PRKCE: variants seen among roughly 807,000 people sequenced by gnomAD.
The protein encoded by PRKCE is protein kinase C epsilon type.
A neutral mutation model predicts 85.4 loss-of-function variants in PRKCE; 16 were observed. The observed-to-expected ratio is 0.19, with a 90% CI of 0.13 to 0.28. The LOEUF is 0.28. PRKCE is among the 10% of genes least tolerant of loss of function. The pLI is 1.00. For missense variants in PRKCE, 573 were observed against 975.2 expected, an observed-to-expected ratio of 0.59 and a Z score of 5.49; for synonymous variants, 388 against 371.5, an observed-to-expected ratio of 1.04 and a Z score of -0.51.
At chr2:45,814,443 T>G (rs1168026814) in intron 1 of PRKCE, among the ~76,000 whole-genome samples, 1 of 152,238 alleles carries the variant, frequency 6.6e-6, no homozygotes, top group Non-Finnish European at 1.5e-5. Flanking sequence ...ACCTCTGTCC[T>G]GATCTCTGGT....
At chr2:45,945,934 G>GA (rs1236067293) in intron 2 of PRKCE, among the ~76,000 whole-genome samples, 2 of 152,238 alleles carry the variant, frequency 1.3e-5, no homozygotes, top group East Asian at 3.9e-4. Context: ...CCCTATGTGT[G>GA]AAGCCATGGT....
At chr2:45,964,175 C>T (rs552811730) in intron 2 of PRKCE, among the ~76,000 whole-genome samples, 7 of 152,298 alleles carry the variant, frequency 4.6e-5, no homozygotes, top group Non-Finnish European at 7.4e-5. Context: ...TCCCACTCTA[C>T]TCGGCACATT....
chr2:45,696,718 C>T (rs953073907), intron 1 of PRKCE, among the ~76,000 whole-genome samples: 8 of 152,230 alleles, frequency 5.3e-5, no homozygotes, highest in African/African-American at 1.7e-4. Flanking sequence ...CTAGAATCTT[C>T]TCATGGGAAG....
At chr2:45,867,480 G>A (rs1187404402) in intron 2 of PRKCE, among the ~76,000 whole-genome samples, 1 of 152,208 alleles carries the variant, frequency 6.6e-6, no homozygotes, top group African/African-American at 2.4e-5. Context: ...GCCAACAGGG[G>A]TAGAGGATCT....
chr2:45,922,907 C>T (rs570711016), intron 2 of PRKCE, among the ~76,000 whole-genome samples: 1 of 152,314 alleles, frequency 6.6e-6, no homozygotes, highest in Admixed American at 6.5e-5. Flanking sequence ...ACATCCTTCA[C>T]ATATTAGTCA....
At chr2:45,885,714 TG>T (rs1032767332) in intron 2 of PRKCE, among the ~76,000 whole-genome samples, 1 of 152,176 alleles carries the variant, frequency 6.6e-6, no homozygotes, top group African/African-American at 2.4e-5. Flanking sequence ...AAGTGAATTT[TG>T]GGGGTTAGGG....
intron 2 of PRKCE, among the ~76,000 whole-genome samples, chr2:45,947,516 CA>C: frequency 6.6e-6 from 1 of 152,248 alleles, no homozygotes; most frequent in East Asian, 1.9e-4. Flanking sequence ...ACAAATTATG[CA>C]AACTAAAATA....
chr2:45,929,968 T>TA lies in PRKCE; in HGVS notation c.413-46460dup, dbSNP rs372985716. Among the ~76,000 whole-genome samples, 109 of 152,340 alleles carry TA rather than the reference T, an allele frequency of 7.2e-4. 1 individual carries two copies. The highest frequency in any genetic ancestry group is 2.5e-3 in the African/African-American group (104 of 41,572). On this transcript the variant is annotated intron_variant, in intron 2 of 14. Transcript: ENST00000306156. ...GTGCCTGGGCCAAGATGGCACCAAA[T>TA]ATATGCTTATTGAGTAAATGAATCA... is the stretch of plus-strand genomic sequence containing the variant.
chr2:45,766,794 C>A (rs995617907), intron 1 of PRKCE, among the ~76,000 whole-genome samples: 13 of 152,180 alleles, frequency 8.5e-5, no homozygotes, highest in African/African-American at 2.7e-4. Flanking sequence ...AATCCTAGCA[C>A]TTTGGGAGGC....
intron 2 of PRKCE, among the ~76,000 whole-genome samples, chr2:45,925,421 C>T (rs542767382): frequency 1.3e-5 from 2 of 152,082 alleles, no homozygotes; most frequent in South Asian, 2.1e-4. Context: ...CTCAGCCTCC[C>T]GAGTAGCTGG....
chr2:46,125,880 C>T (rs1290083465), intron 11 of PRKCE, among the ~76,000 whole-genome samples: 2 of 152,110 alleles, frequency 1.3e-5, no homozygotes, highest in Non-Finnish European at 2.9e-5. Context: ...GAATCAAAAT[C>T]CAGTTGTACG....
chr2:45,853,555 G>T (rs1034992249), intron 2 of PRKCE, among the ~76,000 whole-genome samples: 2 of 152,142 alleles, frequency 1.3e-5, no homozygotes, highest in African/African-American at 2.4e-5. Flanking sequence ...GATCTCCCCT[G>T]AGGTAGGCAG....
chr2:45,985,314 G>A (rs112658631), intron 6 of PRKCE, among the ~76,000 whole-genome samples: 8 of 152,214 alleles, frequency 5.3e-5, no homozygotes, highest in Admixed American at 2.0e-4. Context: ...CGCAAACAGC[G>A]CACTCAGATG....
rs1669611700 is a variant in PRKCE, at chr2:46,086,103, T to C, written c.1438-105T>C. On this transcript the variant is annotated intron_variant, in intron 10 of 14. Coordinates refer to ENST00000306156, the MANE Select transcript of PRKCE (RefSeq NM_005400.3). ...AGGATTCACCCACCTTTGAGGCTTC[T>C]TCCCCCTTGAGTCTTGGTAACCTTA... is the stretch of plus-strand genomic sequence containing the variant. The C allele has an allele frequency of 4.0e-6, 5 of 1,235,178 alleles. 1 individual carries two copies. The South Asian group carries it at 5.7e-5, about 14-fold the overall frequency. 76.5% of individuals were successfully genotyped at this position (1,235,178 alleles called of 1,614,324 possible).
chr2:45,976,920 A>T (rs1702500583), intron 3 of PRKCE, among the ~76,000 whole-genome samples: 1 of 149,520 alleles, frequency 6.7e-6, no homozygotes, highest in African/African-American at 2.5e-5. Flanking sequence ...GTTTTGAGAC[A>T]GAGTCTAGCT....
intron 2 of PRKCE, among the ~76,000 whole-genome samples, chr2:45,951,545 A>C (rs1389784196): frequency 6.6e-6 from 1 of 152,214 alleles, no homozygotes; most frequent in Non-Finnish European, 1.5e-5. Flanking sequence ...TTAGATGTTA[A>C]CCACAAGATA....
intron 1 of PRKCE, among the ~76,000 whole-genome samples, chr2:45,691,243 A>G (rs777782688): frequency 6.6e-6 from 1 of 152,180 alleles, no homozygotes; most frequent in Non-Finnish European, 1.5e-5. Context: ...TGGCAGGAAT[A>G]GTCATTTTGC....
At chr2:46,113,544 C>G (rs887819034) in intron 11 of PRKCE, among the ~76,000 whole-genome samples, 2 of 152,148 alleles carry the variant, frequency 1.3e-5, no homozygotes, top group Non-Finnish European at 2.9e-5. Flanking sequence ...GCTGGAAACT[C>G]TGGGGAGAAG....
At chr2:45,777,179 G>A (rs529254543) in intron 1 of PRKCE, among the ~76,000 whole-genome samples, 1 of 152,282 alleles carries the variant, frequency 6.6e-6, no homozygotes, top group South Asian at 2.1e-4. Context: ...ATGAAATAGT[G>A]GGATCTAACC....
Sources: allele counts gnomAD v4.1 joint callset (sites outside exome capture counted in the v4.1 genomes callset), GRCh38; gene constraint gnomAD v4.1.1; transcripts MANE v1.5; gene names NCBI Gene and HGNC (gene_info 2026-07-23, HGNC 2026-07-21).